The following AKAIN1 variants were observed in gnomAD, a reference collection of about 807,000 sequenced individuals.
The protein encoded by AKAIN1 is A-kinase anchor inhibitor 1.
A neutral mutation model predicts 3.7 loss-of-function variants in AKAIN1; 3 were observed. The observed-to-expected ratio is 0.82, with a 90% CI of 0.37 to 2.12. The LOEUF is 2.12. Among genes scored for constraint, AKAIN1 ranks in the 30% most tolerant of loss-of-function variants. AKAIN1 has a pLI of 0.06. For missense variants in AKAIN1, 82 were observed against 82.7 expected (o/e 0.99, Z 0.03); for synonymous variants, 31 against 30.8 (o/e 1.01, Z -0.02).
intron 1 of AKAIN1, among the ~76,000 whole-genome samples, chr18:5,181,122 TA>T (rs113002665): frequency 0.018 from 2,587 of 142,254 alleles, 44 homozygotes; most frequent in African/African-American, 0.055. Flanking sequence ...CCCCATCTCT[TA>T]AAAAAAAAAA....
chr18:5,188,287 C>T (rs974093111), intron 1 of AKAIN1, among the ~76,000 whole-genome samples: 1 of 152,010 alleles, frequency 6.6e-6, no homozygotes, highest in Non-Finnish European at 1.5e-5. Context: ...GTTCTGTGGT[C>T]TCAGGGGTGG....
chr18:5,148,317 C>G (rs538289448), intron 1 of AKAIN1, among the ~76,000 whole-genome samples: 2 of 152,194 alleles, frequency 1.3e-5, no homozygotes, highest in Non-Finnish European at 2.9e-5. Flanking sequence ...ACTGCTCTGA[C>G]CTTTATTATA....
intron 1 of AKAIN1, among the ~76,000 whole-genome samples, chr18:5,181,573 T>C (rs1483678985): frequency 5.9e-5 from 9 of 152,126 alleles, no homozygotes; most frequent in Admixed American, 3.9e-4. Flanking sequence ...GTAAAGGTCA[T>C]TAGTGAGAGC....
intron 1 of AKAIN1, among the ~76,000 whole-genome samples, chr18:5,160,746 G>A (rs986274658): frequency 1.7e-4 from 26 of 152,100 alleles, no homozygotes; most frequent in Admixed American, 1.6e-3. Flanking sequence ...TGTGAGGTAA[G>A]GACCTGATTT....
intron 1 of AKAIN1, among the ~76,000 whole-genome samples, chr18:5,179,118 T>C (rs556469251): frequency 6.6e-6 from 1 of 152,278 alleles, no homozygotes; most frequent in East Asian, 1.9e-4. Flanking sequence ...TGATTAGTGG[T>C]GAAGTTTGGG....
At chr18:5,183,705 C>T (rs2071271803) in intron 1 of AKAIN1, among the ~76,000 whole-genome samples, 1 of 152,066 alleles carries the variant, frequency 6.6e-6, no homozygotes, top group Non-Finnish European at 1.5e-5. Context: ...ACTGCAAACA[C>T]TTAATTAGAT....
chr18:5,166,104 A>G (rs539198386), intron 1 of AKAIN1, among the ~76,000 whole-genome samples: 4 of 152,166 alleles, frequency 2.6e-5, no homozygotes, highest in African/African-American at 9.6e-5. Flanking sequence ...AATTAATTAC[A>G]ATGTATCCAA....
intron 1 of AKAIN1, among the ~76,000 whole-genome samples, chr18:5,177,585 C>T (rs899847247): frequency 1.3e-5 from 2 of 151,962 alleles, no homozygotes; most frequent in African/African-American, 4.8e-5. Flanking sequence ...TCCCAGAACC[C>T]TCTAAACAAA....
intron 1 of AKAIN1, among the ~76,000 whole-genome samples, chr18:5,196,098 T>G (rs1464978689): frequency 6.6e-6 from 1 of 152,210 alleles, no homozygotes. Flanking sequence ...CATGCCAATC[T>G]TTCAAGTTAA....
Position 5,145,559 on chromosome 18 carries a change from A to G in AKAIN1, c.*3T>C, listed in dbSNP as rs1567869937. ...GCACATGTCAAGAGCCAAATCCACC[A>G]TGTTACTTCTTTTCGTGCTTCTTGG... is the stretch of plus-strand genomic sequence containing the variant. On this transcript the variant is annotated 3_prime_UTR_variant, in exon 2 of 2. Coordinates refer to ENST00000434239, the MANE Select transcript of AKAIN1 (RefSeq NM_001145194.2). The G allele has an allele frequency of 6.4e-7, 1 of 1,550,540 alleles. No individual in the cohort carries two copies. The highest frequency in any genetic ancestry group is 2.0e-5 in the Admixed American group (1 of 50,980).
chr18:5,171,107 C>A (rs1203593950), intron 1 of AKAIN1: 3 of 152,106 alleles, frequency 2.0e-5, no homozygotes, highest in Non-Finnish European at 4.4e-5. Flanking sequence ...TGTTAAGCCA[C>A]AGCATTTTGT....
intron 1 of AKAIN1, among the ~76,000 whole-genome samples, chr18:5,147,523 T>G (rs2071056043): frequency 6.6e-6 from 1 of 152,188 alleles, no homozygotes; most frequent in African/African-American, 2.4e-5. Context: ...ACGAATATGC[T>G]CACTACCATG....
Position 5,173,551 on chromosome 18 carries a change from T to C in AKAIN1, c.16+23487A>G, listed in dbSNP as rs1337474517. On this transcript the variant is annotated intron_variant, in intron 1 of 1. Coordinates refer to ENST00000434239, the MANE Select transcript of AKAIN1 (RefSeq NM_001145194.2). Reference sequence around the variant, plus strand: ...ACAACTGGTGGGGTGTTGTTTTTCTTGGTTCTGTGCCTAAACTCATTCAGC... The same window carrying C: ...ACAACTGGTGGGGTGTTGTTTTTCTCGGTTCTGTGCCTAAACTCATTCAGC... Among the ~76,000 whole-genome samples, 5 of 152,170 alleles carry C rather than the reference T, an allele frequency of 3.3e-5. No homozygotes were observed. In the South Asian group the frequency reaches 6.2e-4, roughly 19 times the overall value.
chr18:5,174,520 C>G (rs1168889927), intron 1 of AKAIN1, among the ~76,000 whole-genome samples: 1 of 152,084 alleles, frequency 6.6e-6, no homozygotes, highest in Non-Finnish European at 1.5e-5. Flanking sequence ...GTGGGCAGAT[C>G]ACTTGAGGCC....
At chr18:5,147,570 G>A (rs1427250450) in intron 1 of AKAIN1, among the ~76,000 whole-genome samples, 2 of 152,084 alleles carry the variant, frequency 1.3e-5, no homozygotes, top group Non-Finnish European at 2.9e-5. Flanking sequence ...ACGTTCACTG[G>A]GGTTGATTAA....
intron 1 of AKAIN1, among the ~76,000 whole-genome samples, chr18:5,180,537 A>G (rs1464487834): frequency 6.6e-6 from 1 of 152,122 alleles, no homozygotes; most frequent in East Asian, 1.9e-4. Context: ...GAAGCCTTAC[A>G]TGTTGTGCTT....
intron 1 of AKAIN1, among the ~76,000 whole-genome samples, chr18:5,150,082 C>T (rs1293992942): frequency 6.6e-6 from 1 of 152,238 alleles, no homozygotes; most frequent in Non-Finnish European, 1.5e-5. Context: ...AACACAGCTA[C>T]TTAGGAGGAA....
At chr18:5,182,850 T>C (rs1161731541) in intron 1 of AKAIN1, among the ~76,000 whole-genome samples, 1 of 152,116 alleles carries the variant, frequency 6.6e-6, no homozygotes, top group Admixed American at 6.6e-5. Context: ...ATGAAGAATC[T>C]AGGAACTGTG....
In AKAIN1 at chr18:5,144,768, T is replaced by C. The variant is rs1016546575; in HGVS notation, c.*794A>G. Among the ~76,000 whole-genome samples, 1 of 152,158 alleles carries C rather than the reference T, an allele frequency of 6.6e-6. No homozygotes were observed. The highest frequency in any genetic ancestry group is 2.4e-5 in the African/African-American group (1 of 41,432). On this transcript the variant is annotated 3_prime_UTR_variant, in exon 2 of 2. Transcript: ENST00000434239. Reference sequence around the variant, plus strand: ...TAATGATAGGCAGCTGTTGAAGAAATCTACACTTCTAGCCATTCTCCATGA... The same window carrying C: ...TAATGATAGGCAGCTGTTGAAGAAACCTACACTTCTAGCCATTCTCCATGA...
Sources: allele counts gnomAD v4.1 joint callset (sites outside exome capture counted in the v4.1 genomes callset), GRCh38; gene constraint gnomAD v4.1.1; transcripts MANE v1.5; gene names NCBI Gene and HGNC (gene_info 2026-07-23, HGNC 2026-07-21).